The following RPP14 variants were observed in gnomAD, a reference collection of about 807,000 sequenced individuals.
RPP14 encodes ribonuclease P protein subunit p14.
A neutral mutation model predicts 17.8 loss-of-function variants in RPP14; 19 were observed. That is an observed-to-expected ratio of 1.07 (90% CI 0.74 to 1.57). RPP14 has a LOEUF of 1.57. Among genes scored for constraint, RPP14 ranks in the 40% most tolerant of loss-of-function variants. RPP14 has a pLI of 0.00. For synonymous variants in RPP14, 60 were observed against 56.4 expected, an observed-to-expected ratio of 1.06 and a Z score of -0.29; for missense variants, 125 against 140.8, an observed-to-expected ratio of 0.89 and a Z score of 0.57.
chr3:58,316,313 A>G (rs4681677), intron 3 of RPP14, among the ~76,000 whole-genome samples: 117,486 of 152,188 alleles, frequency 0.77, 45,981 homozygotes, highest in East Asian at 1. Flanking sequence ...AAAGGATGAG[A>G]GACATCAGCC....
At position 58,310,423 on chromosome 3, in the gene RPP14, A is replaced by G. The variant is rs1170819558; in HGVS notation, c.77+17A>G. ...AGTCTGCCTGTAAGTTTAGTTTCCT[A>G]AGTTCTATTTTAGATTACTTTTCTA... is the stretch of plus-strand genomic sequence containing the variant. On this transcript the variant is annotated intron_variant, in intron 2 of 5. Transcript: ENST00000295959. The G allele has an allele frequency of 3.1e-6, 5 of 1,612,706 alleles. No homozygotes were observed. The highest frequency in any genetic ancestry group is 3.4e-6 in the Non-Finnish European group (4 of 1,178,804).
chr3:58,317,585 G>C lies in RPP14; in HGVS notation c.*89G>C, dbSNP rs1398070252. On this transcript the variant is annotated 3_prime_UTR_variant, in exon 6 of 6. Coordinates refer to ENST00000295959, the MANE Select transcript of RPP14 (RefSeq NM_007042.6). ...GTTTGAAGACTGAAGCAGGCTAAAAGCTCTTGATGAAATTTGAGGGTGCTG... is the reference window on the plus strand; with the variant it reads ...GTTTGAAGACTGAAGCAGGCTAAAACCTCTTGATGAAATTTGAGGGTGCTG... 2 of 902,904 alleles carry C rather than the reference G, an allele frequency of 2.2e-6. No individual in the cohort carries two copies. The highest frequency in any genetic ancestry group is 3.8e-5 in the Admixed American group (2 of 52,032). The allele number at this position is 902,904 out of a possible 1,614,324, so 55.9% of individuals were successfully genotyped here.
At chr3:58,306,937 CG>C in intron 1 of RPP14, among the ~76,000 whole-genome samples, 1 of 151,952 alleles carries the variant, frequency 6.6e-6, no homozygotes. Flanking sequence ...AAAGCAGGGA[CG>C]GGGCATGGGG....
Position 58,318,068 on chromosome 3 carries a change from C to T in RPP14, c.*572C>T, listed in dbSNP as rs1431716254. On this transcript the variant is annotated 3_prime_UTR_variant, in exon 6 of 6. Transcript: ENST00000295959. ...TGTTCTGTAATAGAAAGTAAAAAGA[C>T]TGTTATGGAAGGCTGGGTTAAAGTT... 5.8e-6 allele frequency: 4 copies of T among 685,506 alleles called. No individual in the cohort carries two copies. The highest frequency in any genetic ancestry group is 4.7e-5 in the South Asian group (3 of 64,042). 42.5% of individuals were successfully genotyped at this position (685,506 alleles called of 1,614,324 possible).
chr3:58,316,366 G>C, intron 3 of RPP14, 149 bp from the exon 4 acceptor site: 1 of 661,934 alleles, frequency 1.5e-6, no homozygotes, highest in Non-Finnish European at 2.7e-6. Context: ...AGGGGGAGCT[G>C]TAAGTAGGCA....
chr3:58,315,186 C>T (rs2097486992), intron 3 of RPP14, among the ~76,000 whole-genome samples: 2 of 152,062 alleles, frequency 1.3e-5, no homozygotes, highest in African/African-American at 2.4e-5. Context: ...TGGTACATTC[C>T]TACTATGGAA....
chr3:58,306,951 G>A (rs1413863550), intron 1 of RPP14, among the ~76,000 whole-genome samples: 3 of 152,230 alleles, frequency 2.0e-5, no homozygotes, highest in Non-Finnish European at 4.4e-5. Context: ...GCATGGGGGT[G>A]GGGTGCGGTG....
In RPP14 at chr3:58,317,559, T is replaced by C. The variant is rs890575767; in HGVS notation, c.*63T>C. The C allele has an allele frequency of 3.3e-5, 37 of 1,115,606 alleles. No homozygotes were observed. The highest frequency in any genetic ancestry group is 4.7e-5 in the Non-Finnish European group (35 of 738,964). 69.1% of individuals were successfully genotyped at this position (1,115,606 alleles called of 1,614,324 possible). A position where few individuals can be genotyped will look rare whatever the true frequency, so the allele number is the denominator to read the frequency against. On this transcript the variant is annotated 3_prime_UTR_variant, in exon 6 of 6. Coordinates refer to ENST00000295959, the MANE Select transcript of RPP14 (RefSeq NM_007042.6). ...TCATATTTATTTTTTGGTGCCTGCA[T>C]GTTTGAAGACTGAAGCAGGCTAAAA...
chr3:58,310,620 T>A, intron 3 of RPP14, 29 bp downstream of exon 3: 2 of 1,565,926 alleles, frequency 1.3e-6, no homozygotes, highest in Non-Finnish European at 1.7e-6. Context: ...GATTGAACAT[T>A]CCAAAGATCT....
At chr3:58,310,047 A>C in intron 1 of RPP14, 1 of 378,420 alleles carries the variant, frequency 2.6e-6, no homozygotes. Context: ...AAAAAATACA[A>C]AAATCTGCTG....
Position 58,310,540 on chromosome 3 carries a change from T to C in RPP14, c.111T>C (p.Ala37=). The change falls in exon 3 of 6, where the codon GCT becomes GCC. Residue 37 remains alanine, a synonymous_variant. Coordinates refer to ENST00000295959, the MANE Select transcript of RPP14 (RefSeq NM_007042.6). The stretch of plus-strand genomic sequence containing the variant: ...AAGATTGTGGAGTTGGACTGAATGC[T>C]GCACAGTTCAAACAGCTGCTTATTT... ...EFQDCGVGLN[A]AQFKQLLISA... 1 of 1,613,482 alleles carries C rather than the reference T, an allele frequency of 6.2e-7. No homozygotes were observed. The highest frequency in any genetic ancestry group is 8.5e-7 in the Non-Finnish European group (1 of 1,179,874).
Position 58,318,919 on chromosome 3 carries a change from A to G in RPP14, c.*1423A>G, listed in dbSNP as rs1288115252. ...GAGGCTGAGGCAGGAGAATCTCTTG[A>G]ACCTGGGAGGTTGCAGTGAGCTGAA... On this transcript the variant is annotated 3_prime_UTR_variant, in exon 6 of 6. Coordinates refer to ENST00000295959, the MANE Select transcript of RPP14 (RefSeq NM_007042.6). The G allele has an allele frequency of 6.6e-6, 1 of 151,908 alleles. No homozygotes were observed. The highest frequency in any genetic ancestry group is 2.4e-5 in the African/African-American group (1 of 41,318). The allele number at this position is 151,908 out of a possible 1,614,324, so 9.4% of individuals were successfully genotyped here. A position where few individuals can be genotyped will look rare whatever the true frequency, so the allele number is the denominator to read the frequency against.
intron 3 of RPP14, among the ~76,000 whole-genome samples, chr3:58,316,042 A>T (rs1321088079): frequency 6.6e-6 from 1 of 152,214 alleles, no homozygotes; most frequent in Non-Finnish European, 1.5e-5. Flanking sequence ...AATTTTAAAA[A>T]AAAATATCCC....
chr3:58,317,725 G>A lies in RPP14; in HGVS notation c.*229G>A. 2.8e-6 allele frequency: 2 copies of A among 703,696 alleles called. No individual in the cohort carries two copies. Among genetic ancestry groups the A allele is most frequent in the South Asian group, 3.0e-5 (2 of 67,614 alleles). The allele number at this position is 703,696 out of a possible 1,614,324, so 43.6% of individuals were successfully genotyped here. On this transcript the variant is annotated 3_prime_UTR_variant, in exon 6 of 6. Coordinates refer to ENST00000295959, the MANE Select transcript of RPP14 (RefSeq NM_007042.6). ...GCACTTTCAGCATATGCACATCAAA[G>A]TTGGAGACCGCGCTGAACTTAGGAG...
At chr3:58,314,357 A>G (rs1288196934) in intron 3 of RPP14, among the ~76,000 whole-genome samples, 1 of 152,230 alleles carries the variant, frequency 6.6e-6, no homozygotes, top group East Asian at 1.9e-4. Flanking sequence ...TCTCAAAAAA[A>G]TAATAGTAAT....
At chr3:58,313,594 G>T (rs768333578) in intron 3 of RPP14, among the ~76,000 whole-genome samples, 3 of 151,870 alleles carry the variant, frequency 2.0e-5, no homozygotes, top group Non-Finnish European at 4.4e-5. Flanking sequence ...GAGGCCAAGC[G>T]GGTGGATCAC....
chr3:58,315,168 A>C (rs190966260), intron 3 of RPP14, among the ~76,000 whole-genome samples: 177 of 152,328 alleles, frequency 1.2e-3, no homozygotes, highest in African/African-American at 3.9e-3. Context: ...CAATGGGTGA[A>C]TAAACTGTGG....
intron 5 of RPP14, among the ~76,000 whole-genome samples, 165 bp from the exon 6 acceptor site, chr3:58,317,275 T>A (rs752252094): frequency 2.0e-5 from 3 of 152,218 alleles, no homozygotes; most frequent in Non-Finnish European, 4.4e-5. Context: ...TGGTACGCTC[T>A]TTTTGAGATG....
intron 3 of RPP14, among the ~76,000 whole-genome samples, chr3:58,313,172 T>A (rs2097484248): frequency 6.6e-6 from 1 of 151,334 alleles, no homozygotes; most frequent in South Asian, 2.1e-4. Context: ...GGCAGGAGAA[T>A]GGCATGAACC....
Sources: allele counts gnomAD v4.1 joint callset (sites outside exome capture counted in the v4.1 genomes callset), GRCh38; gene constraint gnomAD v4.1.1; transcripts MANE v1.5; gene names NCBI Gene and HGNC (gene_info 2026-07-23, HGNC 2026-07-21).